Variants in FRAS1 observed in about 807,000 individuals in gnomAD.
FRAS1 encodes extracellular matrix organizing protein FRAS1.
FRAS1 carries 290 observed loss-of-function variants against 435.2 expected under a neutral mutation model. The observed-to-expected ratio is 0.67, with a 90% CI of 0.61 to 0.73. The LOEUF (loss-of-function observed/expected upper bound fraction) is 0.73, where lower values mean the gene tolerates loss of function less well. Ranked by LOEUF, FRAS1 falls within the 30% of genes least tolerant of loss-of-function variation. The probability of loss-of-function intolerance (pLI) is 0.00; values close to 1 mark genes in which losing one functional copy is unlikely to be tolerated. For missense variants in FRAS1, 4,860 were observed against 5,001.5 expected (o/e 0.97, Z 0.85); for synonymous variants, 1,800 against 1,851.0 (o/e 0.97, Z 0.71).
chr4:78,494,116 A>T (rs1720444196), intron 59 of FRAS1, among the ~76,000 whole-genome samples: 1 of 152,078 alleles, frequency 6.6e-6, no homozygotes, highest in African/African-American at 2.4e-5. Flanking sequence ...ATTTCTTCTT[A>T]AGAAATGCTT....
intron 41 of FRAS1, among the ~76,000 whole-genome samples, chr4:78,445,068 A>C (rs1239781585): frequency 6.6e-6 from 1 of 152,220 alleles, no homozygotes; most frequent in African/African-American, 2.4e-5. Flanking sequence ...AAAGATATGC[A>C]TTTAACATTT....
chr4:78,110,019 A>T (rs1742620536), intron 2 of FRAS1, among the ~76,000 whole-genome samples: 1 of 14,928 alleles, frequency 6.7e-5, no homozygotes, highest in Non-Finnish European at 1.3e-4. Context: ...AAGAGAATAA[A>T]ATACCTAGGA....
At chr4:78,145,136 G>C (rs1720364370) in intron 2 of FRAS1, among the ~76,000 whole-genome samples, 1 of 152,070 alleles carries the variant, frequency 6.6e-6, no homozygotes, top group South Asian at 2.1e-4. Context: ...CCAACATTAG[G>C]TGTAATCTTT....
At chr4:78,298,990 A>T (rs1244269111) in intron 14 of FRAS1, among the ~76,000 whole-genome samples, 1 of 152,242 alleles carries the variant, frequency 6.6e-6, no homozygotes, top group African/African-American at 2.4e-5. Flanking sequence ...GTTATCAGAC[A>T]AGTTTAGCAA....
chr4:78,267,486 A>G, intron 9 of FRAS1, 54 bp downstream of exon 9: 3 of 1,533,198 alleles, frequency 2.0e-6, no homozygotes, highest in Non-Finnish European at 2.7e-6. Context: ...CCAACGGGAT[A>G]GTGAGGGGTC....
At chr4:78,326,797 A>G (rs1032731824) in intron 18 of FRAS1, among the ~76,000 whole-genome samples, 5 of 152,168 alleles carry the variant, frequency 3.3e-5, no homozygotes, top group African/African-American at 1.2e-4. Context: ...AAGAGGCTGA[A>G]AGAAATTTTC....
rs1235212493 is a variant in FRAS1, at chr4:78,348,054, G to A, written c.2422+10237G>A. 1.2e-3 allele frequency among the ~76,000 whole-genome samples: 10 copies of A among 8,164 alleles called. 4 individuals carry two copies. The highest frequency in any genetic ancestry group is 2.4e-3 in the Non-Finnish European group (9 of 3,780). The allele number at this position is 8,164 out of a possible 152,430, so 5.4% of individuals were successfully genotyped here. On this transcript the variant is annotated intron_variant, in intron 20 of 73. Transcript: ENST00000512123. ...CCAGCGTGAGCGACGCAGAAGACGG[G>A]TGATTTCTGCATTTCCATCTGAGGT... is the stretch of plus-strand genomic sequence containing the variant.
At position 78,541,582 on chromosome 4, in the gene FRAS1, A is replaced by G. The variant is rs1404626563; in HGVS notation, c.*458A>G. 1.3e-5 allele frequency: 2 copies of G among 153,664 alleles called. No individual in the cohort carries two copies. Among genetic ancestry groups the G allele is most frequent in the African/African-American group, 4.8e-5 (2 of 41,494 alleles). 9.5% of individuals were successfully genotyped at this position (153,664 alleles called of 1,614,324 possible). A position where few individuals can be genotyped will look rare whatever the true frequency, so the allele number is the denominator to read the frequency against. On this transcript the variant is annotated 3_prime_UTR_variant, in exon 74 of 74. Coordinates refer to ENST00000512123, the MANE Select transcript of FRAS1 (RefSeq NM_025074.7). ...CCAGACAGCAGAGTATGAACTGCTG[A>G]CACCCAGATTCCATTAAAAATTCTG... is the stretch of plus-strand genomic sequence containing the variant.
chr4:78,432,436 C>G lies in FRAS1; in HGVS notation c.5049C>G (p.Ser1683Arg). Residue 1683 changes from serine (S) to arginine (R), a missense_variant, in exon 38 of 74, where the codon AGC becomes AGG. Ser to Arg is a moderately radical substitution (Grantham distance 110). Transcript: ENST00000512123. ...ATGGTTCCTCTACCCGGGAAGACAG[C>G]ATGGAGATCTCAGTCACAGATGGCC... ...IHDGSSTRED[S>R]MEISVTDGLT... The G allele has an allele frequency of 6.2e-7, 1 of 1,612,922 alleles. No homozygotes were observed. Among genetic ancestry groups the G allele is most frequent in the Non-Finnish European group, 8.5e-7 (1 of 1,179,468 alleles).
At chr4:78,425,841 G>T (rs538939331) in intron 35 of FRAS1, among the ~76,000 whole-genome samples, 40 of 152,294 alleles carry the variant, frequency 2.6e-4, no homozygotes, top group Admixed American at 8.5e-4. Flanking sequence ...AAGTCATTAA[G>T]AGTAGATAAC....
At chr4:78,274,666 TG>T (rs1430277798) in intron 9 of FRAS1, among the ~76,000 whole-genome samples, 1 of 152,248 alleles carries the variant, frequency 6.6e-6, no homozygotes, top group African/African-American at 2.4e-5. Context: ...TTGATTGCAC[TG>T]TGGTCTGAGA....
In FRAS1 at chr4:78,445,625, C is replaced by G. The variant is rs1248723704; in HGVS notation, c.5769C>G (p.Ser1923Arg). 3 of 1,613,766 alleles carry G rather than the reference C, an allele frequency of 1.9e-6. No individual in the cohort carries two copies. Among genetic ancestry groups the G allele is most frequent in the Non-Finnish European group, 2.5e-6 (3 of 1,179,840 alleles). Reference protein sequence around the residue: ...YIYYFQSVHESIEPTHDIFSF... With the variant: ...YIYYFQSVHERIEPTHDIFSF... ...ACTACTTTCAGAGTGTTCATGAAAGCATTGAGCCAACCCATGATATTTTTA... is the reference window on the plus strand; with the variant it reads ...ACTACTTTCAGAGTGTTCATGAAAGGATTGAGCCAACCCATGATATTTTTA... Residue 1923 changes from serine to arginine, a missense_variant, in exon 42 of 74, where the codon AGC becomes AGG. By Grantham distance (110) the Ser-to-Arg change is moderately radical (BLOSUM62 -1). Transcript: ENST00000512123.
At chr4:78,129,040 G>A (rs996662286) in intron 2 of FRAS1, among the ~76,000 whole-genome samples, 3 of 152,138 alleles carry the variant, frequency 2.0e-5, no homozygotes, top group Admixed American at 6.5e-5. Context: ...GTTTTTCTCA[G>A]GTTTGTCAAA....
chr4:78,166,432 C>CT (rs1168768934), intron 2 of FRAS1, among the ~76,000 whole-genome samples: 7 of 152,012 alleles, frequency 4.6e-5, no homozygotes, highest in South Asian at 2.1e-4. Context: ...TAAGACTTTT[C>CT]TTTTTGGTCA....
chr4:78,210,088 A>T (rs1323528857), intron 2 of FRAS1, among the ~76,000 whole-genome samples: 1 of 152,200 alleles, frequency 6.6e-6, no homozygotes, highest in African/African-American at 2.4e-5. Context: ...GGTAGCACAC[A>T]GCACACTGTG....
intron 20 of FRAS1, among the ~76,000 whole-genome samples, chr4:78,344,968 A>G (rs1235891378): frequency 2.6e-5 from 4 of 152,166 alleles, no homozygotes; most frequent in Non-Finnish European, 5.9e-5. Context: ...TAAATGACGT[A>G]TTTCCATATG....
chr4:78,199,684 T>C (rs1722967097), intron 2 of FRAS1, among the ~76,000 whole-genome samples: 1 of 152,224 alleles, frequency 6.6e-6, no homozygotes, highest in Non-Finnish European at 1.5e-5. Context: ...CTGACTGGCA[T>C]GGTGTCCAGA....
rs1488860899 is a variant in FRAS1 at position 78,134,103 on chromosome 4, C to T, written c.108+68087C>T. On this transcript the variant is annotated intron_variant, in intron 2 of 73. Coordinates refer to ENST00000512123, the MANE Select transcript of FRAS1 (RefSeq NM_025074.7). ...CCTCCCGAGTAGCTGGGACTTCAGG[C>T]GCCCACCACCATGCCTGGCTAATTT... is the stretch of plus-strand genomic sequence containing the variant. 5.3e-5 allele frequency among the ~76,000 whole-genome samples: 8 copies of T among 151,832 alleles called. 1 individual carries two copies. The South Asian group carries it at 6.2e-4, about 12-fold the overall frequency.
chr4:78,354,719 A>G (rs1369210617), intron 20 of FRAS1, among the ~76,000 whole-genome samples: 1 of 152,222 alleles, frequency 6.6e-6, no homozygotes, highest in African/African-American at 2.4e-5. Flanking sequence ...ATGGACTGAC[A>G]GGACATTATT....
Sources: gnomAD v4.1 joint callset for allele counts (sites outside exome capture counted in the v4.1 genomes callset) on GRCh38, gnomAD v4.1.1 for gene constraint, MANE v1.5 for transcripts, NCBI Gene and HGNC (gene_info 2026-07-23, HGNC 2026-07-21) for gene names.